Variants in SURF4 observed in about 807,000 individuals in gnomAD.
SURF4 encodes the protein surfeit 4, also known as surfeit locus protein 4.
A neutral mutation model predicts 30.0 loss-of-function variants in SURF4; 3 were observed. The ratio of observed to expected loss-of-function variants is 0.10; its 90% CI spans 0.05 to 0.26. SURF4 has a LOEUF of 0.26. SURF4 is among the 10% of genes least tolerant of loss of function. The pLI is 1.00. For missense variants in SURF4, 217 were observed against 350.8 expected (o/e 0.62, Z 3.05); for synonymous variants, 143 against 139.9 (o/e 1.02, Z -0.16).
At chr9:133,371,661 T>A (rs1347646565) in intron 1 of SURF4, among the ~76,000 whole-genome samples, 1 of 152,208 alleles carries the variant, frequency 6.6e-6, no homozygotes, top group Non-Finnish European at 1.5e-5. Flanking sequence ...CAGCTCCTCT[T>A]TGCCTTCTCT....
rs1837910320 is a variant in SURF4, at chr9:133,376,056, G to A, written c.-87C>T. ...CCCGCACCCGCTGCGGCCTCCACAGGAAGTGCCCGGCGGCCGGCCTCGCTC... is the reference window on the plus strand; with the variant it reads ...CCCGCACCCGCTGCGGCCTCCACAGAAAGTGCCCGGCGGCCGGCCTCGCTC... On this transcript the variant is annotated 5_prime_UTR_variant, in exon 1 of 6. Transcript: ENST00000371989. The A allele has an allele frequency of 3.3e-6, 4 of 1,207,586 alleles. No individual in the cohort carries two copies. Among genetic ancestry groups the A allele is most frequent in the African/African-American group, 1.6e-5 (1 of 63,302 alleles). The allele number at this position is 1,207,586 out of a possible 1,614,324, so 74.8% of individuals were successfully genotyped here.
chr9:133,373,086 C>T lies in SURF4; in HGVS notation c.48+2836G>A, dbSNP rs2130202807. On this transcript the variant is annotated intron_variant, in intron 1 of 5. Coordinates refer to ENST00000371989, the MANE Select transcript of SURF4 (RefSeq NM_033161.4). Reference sequence around the variant, plus strand: ...TTTGTATGTGAGCAGCCCCTTCACCCGCTAGTGCTCTTCCCTTGACTTGTG... The same window carrying T: ...TTTGTATGTGAGCAGCCCCTTCACCTGCTAGTGCTCTTCCCTTGACTTGTG... Among the ~76,000 whole-genome samples, 16 of 152,348 alleles carry T rather than the reference C, an allele frequency of 1.1e-4. No homozygotes were observed. The South Asian group carries it at 2.3e-3, about 22-fold the overall frequency.
chr9:133,377,290 G>A (rs1012081884), upstream of SURF4, among the ~76,000 whole-genome samples: 3 of 152,018 alleles, frequency 2.0e-5, no homozygotes, highest in Admixed American at 6.6e-5. Context: ...TTCGAGATAC[G>A]GCTCCATTTT....
intron 5 of SURF4, 96 bp downstream of exon 5, chr9:133,364,744 T>A (rs1362122772): frequency 8.0e-7 from 1 of 1,250,852 alleles, no homozygotes; most frequent in Non-Finnish European, 1.1e-6. Context: ...CAGGCTGTGG[T>A]TAATACCCAA....
At chr9:133,371,665 C>T (rs1564367509) in intron 1 of SURF4, among the ~76,000 whole-genome samples, 1 of 152,214 alleles carries the variant, frequency 6.6e-6, no homozygotes, top group Non-Finnish European at 1.5e-5. Flanking sequence ...TCCTCTTTGC[C>T]TTCTCTCCCC....
At chr9:133,372,071 C>T (rs1251347735) in intron 1 of SURF4, among the ~76,000 whole-genome samples, 2 of 152,214 alleles carry the variant, frequency 1.3e-5, no homozygotes, top group African/African-American at 4.8e-5. Flanking sequence ...CAGCTGCAGG[C>T]ATGGACATTA....
At chr9:133,375,027 G>A (rs933761339) in intron 1 of SURF4, among the ~76,000 whole-genome samples, 1 of 152,176 alleles carries the variant, frequency 6.6e-6, no homozygotes, top group African/African-American at 2.4e-5. Flanking sequence ...CGACATAACG[G>A]GATTCTTTTA....
At position 133,366,604 on chromosome 9, in the gene SURF4, G is replaced by A; in HGVS notation, c.307C>T (p.Leu103=). 1 of 1,613,932 alleles carries A rather than the reference G, an allele frequency of 6.2e-7. No individual in the cohort carries two copies. The highest frequency in any genetic ancestry group is 8.5e-7 in the Non-Finnish European group (1 of 1,180,006). The change falls in exon 3 of 6, where the codon CTG becomes TTG. Residue 103 remains leucine, a synonymous_variant. Coordinates refer to ENST00000371989, the MANE Select transcript of SURF4 (RefSeq NM_033161.4). ...CGACCACGCGGCCCGTGTACCTGCA[G>A]AGCTATGATTCCAAAGAGCCCGAAG... is the stretch of plus-strand genomic sequence containing the variant. ...ACFGLFGIIA[L]QTIAYSILWD...
At position 133,374,582 on chromosome 9, in the gene SURF4, AAAAT is replaced by A. The variant is rs2130226018; in HGVS notation, c.48+1336_48+1339del. On this transcript the variant is annotated intron_variant, in intron 1 of 5. Coordinates refer to ENST00000371989, the MANE Select transcript of SURF4 (RefSeq NM_033161.4). Reference sequence around the variant, plus strand: ...ATCTCAAAGAAAAAATAAATAAATAAAAATAAATAAACAAATAAAATTGTGTCTT... The same window carrying A: ...ATCTCAAAGAAAAAATAAATAAATAAAAATAAACAAATAAAATTGTGTCTT... Among the ~76,000 whole-genome samples the A allele has an allele frequency of 4.3e-3, 650 of 152,212 alleles. 8 individuals are homozygous for A. The highest frequency in any genetic ancestry group is 0.015 in the African/African-American group (616 of 41,534).
chr9:133,364,677 C>T (rs2130106221), intron 5 of SURF4, among the ~76,000 whole-genome samples, 163 bp downstream of exon 5: 8,289 of 141,072 alleles, frequency 0.059, 318 homozygotes, highest in Non-Finnish European at 0.087. Flanking sequence ...GGGGACAGAG[C>T]GAGACTCCGT....
In SURF4 at chr9:133,365,044, G is replaced by A. The variant is rs1369563855; in HGVS notation, c.357-18C>T. The stretch of plus-strand genomic sequence containing the variant: ...CCAGGTTCCTGAGGAACAGATATGT[G>A]GGCTGGAAGCTAAGCCTCACCAGGA... On this transcript the variant is annotated intron_variant, in intron 4 of 5. Transcript: ENST00000371989. 3.3e-6 allele frequency: 5 copies of A among 1,513,338 alleles called. No individual in the cohort carries two copies. Among genetic ancestry groups the A allele is most frequent in the African/African-American group, 1.4e-5 (1 of 72,178 alleles). 93.7% of individuals were successfully genotyped at this position (1,513,338 alleles called of 1,614,324 possible). A position where few individuals can be genotyped will look rare whatever the true frequency, so the allele number is the denominator to read the frequency against.
chr9:133,376,433 G>A (rs1475673193), upstream of SURF4: 17 of 1,535,222 alleles, frequency 1.1e-5, no homozygotes, highest in African/African-American at 4.2e-5. Flanking sequence ...GCGGGGTGGG[G>A]CCAGGGGTGG....
intron 1 of SURF4, chr9:133,371,257 A>C (rs1278350666): frequency 2.4e-6 from 1 of 417,724 alleles, no homozygotes; most frequent in African/African-American, 2.2e-5. Flanking sequence ...GCCTTGTTCA[A>C]AGCCCAACTC....
At chr9:133,368,833 GA>G (rs1430388567) in intron 1 of SURF4, among the ~76,000 whole-genome samples, 3 of 152,162 alleles carry the variant, frequency 2.0e-5, no homozygotes, top group African/African-American at 7.2e-5. Flanking sequence ...GTCCTTCGGA[GA>G]AAGATCAGGG....
intron 1 of SURF4, chr9:133,372,591 T>A: frequency 1.0e-6 from 1 of 985,418 alleles, no homozygotes; most frequent in South Asian, 4.7e-5. Flanking sequence ...CTTACTTAGG[T>A]CTTGCTTTCA....
Position 133,364,829 on chromosome 9 carries a change from G to A in SURF4, c.543+11C>T, listed in dbSNP as rs1837069671. The A allele has an allele frequency of 6.2e-7, 1 of 1,613,624 alleles. No homozygotes were observed. The highest frequency in any genetic ancestry group is 1.1e-5 in the South Asian group (1 of 91,082). ...GAAACCAGACCGGTTCAGGCAAGTA[G>A]GAATACTTACAGAAAAGAAGCTGGC... On this transcript the variant is annotated intron_variant, in intron 5 of 5. Coordinates refer to ENST00000371989, the MANE Select transcript of SURF4 (RefSeq NM_033161.4).
upstream of SURF4, chr9:133,376,297 G>C (rs1177784859): frequency 7.5e-6 from 10 of 1,335,288 alleles, no homozygotes; most frequent in East Asian, 1.3e-4. Flanking sequence ...CTCCCGGCCC[G>C]GCGGAACGCG....
chr9:133,368,986 G>A (rs2130165363), intron 1 of SURF4, among the ~76,000 whole-genome samples: 4 of 152,302 alleles, frequency 2.6e-5, no homozygotes, highest in African/African-American at 7.2e-5. Flanking sequence ...GAAGATATGC[G>A]TGTTTCTTAT....
At chr9:133,369,587 C>T (rs1299920240) in intron 1 of SURF4, among the ~76,000 whole-genome samples, 2 of 152,198 alleles carry the variant, frequency 1.3e-5, no homozygotes, top group African/African-American at 4.8e-5. Flanking sequence ...GCACAAGATG[C>T]CCATGTGCAC....
Sources: gnomAD v4.1 joint callset for allele counts (sites outside exome capture counted in the v4.1 genomes callset) on GRCh38, gnomAD v4.1.1 for gene constraint, MANE v1.5 for transcripts, NCBI Gene and HGNC (gene_info 2026-07-23, HGNC 2026-07-21) for gene names.